Variants in CLIC5 observed in about 807,000 individuals in gnomAD.
CLIC5 encodes chloride intracellular channel protein 5.
CLIC5 carries 20 observed loss-of-function variants against 24.7 expected under a neutral mutation model. That is an observed-to-expected ratio of 0.81 (90% CI 0.57 to 1.18). CLIC5 has a LOEUF of 1.18. Ranked by LOEUF, CLIC5 falls within the 50% of genes most tolerant of loss-of-function variation. The pLI is 0.00. For missense variants in CLIC5, 341 were observed against 326.1 expected (o/e 1.05, Z -0.35); for synonymous variants, 159 against 135.6 (o/e 1.17, Z -1.20).
At chr6:46,055,917 C>CT (rs1768236059) in intron 1 of CLIC5, among the ~76,000 whole-genome samples, 1 of 152,080 alleles carries the variant, frequency 6.6e-6, no homozygotes, top group Non-Finnish European at 1.5e-5. Context: ...TGGTTATTGG[C>CT]TGGGGCTATG....
chr6:46,069,032 A>G (rs1762516564), intron 1 of CLIC5, among the ~76,000 whole-genome samples: 1 of 152,168 alleles, frequency 6.6e-6, no homozygotes, highest in South Asian at 2.1e-4. Flanking sequence ...GCCCTCCTGA[A>G]AAGGTGACTT....
In CLIC5 at chr6:46,015,519, G is replaced by A. The variant is rs984387367; in HGVS notation, c.24C>T (p.Asn8=). Reference sequence around the variant, plus strand: ...CGATCTCGGGGTCCCTGTCGTCCCCGTTAGCTGTCGCCGAGTCTGTCATGC... The same window carrying A: ...CGATCTCGGGGTCCCTGTCGTCCCCATTAGCTGTCGCCGAGTCTGTCATGC... MTDSATA[N]GDDRDPEIEL... is the part of the protein sequence containing the mutation. The change falls in exon 1 of 6, where the codon AAC becomes AAT. Residue 8 remains asparagine, a synonymous_variant. Transcript: ENST00000339561. The A allele has an allele frequency of 6.3e-7, 1 of 1,578,192 alleles. No individual in the cohort carries two copies. The highest frequency in any genetic ancestry group is 8.6e-7 in the Non-Finnish European group (1 of 1,163,690).
chr6:45,886,727 T>A (rs1280823935), intron 6 of CLIC5, among the ~76,000 whole-genome samples: 1 of 152,116 alleles, frequency 6.6e-6, no homozygotes, highest in African/African-American at 2.4e-5. Context: ...TCTGGAGAGC[T>A]CAAAGGCTTC....
At chr6:45,913,112 C>T (rs985392056) in intron 5 of CLIC5, among the ~76,000 whole-genome samples, 2 of 152,188 alleles carry the variant, frequency 1.3e-5, no homozygotes, top group Non-Finnish European at 1.5e-5. Context: ...AACTGGATAT[C>T]GTAAAGACTT....
chr6:45,904,712 ACTCT>A (rs925907403), intron 5 of CLIC5, among the ~76,000 whole-genome samples: 1 of 61,570 alleles, frequency 1.6e-5, no homozygotes, highest in African/African-American at 6.8e-5. Flanking sequence ...TCTTTCTCTC[ACTCT>A]CTCTCTCCTT....
chr6:46,029,447 G>A (rs978502422), intron 1 of CLIC5, among the ~76,000 whole-genome samples: 1 of 152,174 alleles, frequency 6.6e-6, no homozygotes, highest in African/African-American at 2.4e-5. Context: ...GAGAAGTAAA[G>A]TGACTTGCCC....
intron 1 of CLIC5, among the ~76,000 whole-genome samples, chr6:45,969,500 C>T (rs1033240488): frequency 6.5e-5 from 8 of 123,844 alleles, no homozygotes; most frequent in African/African-American, 2.4e-4. Context: ...CAGTTGAGAT[C>T]CAAAGACTTC....
chr6:45,989,617 C>T (rs978953480), intron 1 of CLIC5, among the ~76,000 whole-genome samples: 8 of 152,156 alleles, frequency 5.3e-5, no homozygotes, highest in Non-Finnish European at 1.2e-4. Context: ...GTGAGAAAGG[C>T]CCACCTTGCT....
intron 1 of CLIC5, among the ~76,000 whole-genome samples, chr6:45,971,570 T>G (rs1325875699): frequency 1.3e-5 from 2 of 152,220 alleles, no homozygotes; most frequent in African/African-American, 4.8e-5. Context: ...TAATGACAGA[T>G]AGTCTTCTAG....
At chr6:45,978,563 G>A (rs141938688) in intron 1 of CLIC5, among the ~76,000 whole-genome samples, 1 of 152,280 alleles carries the variant, frequency 6.6e-6, no homozygotes, top group East Asian at 1.9e-4. Context: ...TCCAGGGTGG[G>A]GCCCAAGAAT....
At chr6:45,948,291 C>T (rs557547545) in intron 3 of CLIC5, among the ~76,000 whole-genome samples, 1 of 152,180 alleles carries the variant, frequency 6.6e-6, no homozygotes, top group Non-Finnish European at 1.5e-5. Flanking sequence ...TACTCCTCTC[C>T]CCCGATTTTC....
the CLIC5 span, among the ~76,000 whole-genome samples, chr6:46,124,733 A>G: frequency 6.6e-6 from 1 of 152,246 alleles, no homozygotes; most frequent in South Asian, 2.1e-4. Flanking sequence ...TTTACAAGAA[A>G]AAAACAAACA....
At chr6:46,080,363 A>G (rs1762894260), upstream of CLIC5, 1 of 721,814 alleles carries the variant, frequency 1.4e-6, no homozygotes, top group Non-Finnish European at 2.3e-6. Context: ...GGCAGCAACT[A>G]GCAACTGCTA....
Position 45,974,130 on chromosome 6 carries a change from G to A in CLIC5, c.64-18886C>T, listed in dbSNP as rs1465991684. 7.2e-5 allele frequency among the ~76,000 whole-genome samples: 11 copies of A among 152,032 alleles called. No homozygotes were observed. In the East Asian group the frequency reaches 1.7e-3, roughly 24 times the overall value. On this transcript the variant is annotated intron_variant, in intron 1 of 5. Transcript: ENST00000339561. The stretch of plus-strand genomic sequence containing the variant: ...TAAAAACAAAATCTTGCATGTGTTC[G>A]TATTGTACGTGTGAGAGAGAGGAGA...
At chr6:45,953,282 G>A (rs188117246) in intron 2 of CLIC5, among the ~76,000 whole-genome samples, 2 of 152,080 alleles carry the variant, frequency 1.3e-5, no homozygotes. Context: ...AAGCATTAGG[G>A]GTGCAGACCT....
chr6:46,050,656 G>A (rs1387488821), intron 1 of CLIC5, among the ~76,000 whole-genome samples: 1 of 152,158 alleles, frequency 6.6e-6, no homozygotes. Flanking sequence ...TTGTTGCCAG[G>A]GAAATGGGTG....
chr6:46,010,559 C>T (rs951807982), intron 1 of CLIC5, among the ~76,000 whole-genome samples: 11 of 152,200 alleles, frequency 7.2e-5, no homozygotes, highest in Non-Finnish European at 1.6e-4. Flanking sequence ...AACTGACTGT[C>T]TAAATTGACA....
chr6:46,094,644 C>A, the CLIC5 span, among the ~76,000 whole-genome samples: 51,010 of 152,050 alleles, frequency 0.34, 8,859 homozygotes, highest in Middle Eastern at 0.49. Context: ...GCCCCCAAAG[C>A]CTTAGGAAGC....
At chr6:45,942,481 T>C (rs1433167666) in intron 3 of CLIC5, among the ~76,000 whole-genome samples, 2 of 152,208 alleles carry the variant, frequency 1.3e-5, no homozygotes, top group African/African-American at 4.8e-5. Context: ...ATAAATATTA[T>C]TTCATAAGCA....
Sources: gnomAD v4.1 joint callset for allele counts (sites outside exome capture counted in the v4.1 genomes callset) on GRCh38, gnomAD v4.1.1 for gene constraint, MANE v1.5 for transcripts, NCBI Gene and HGNC (gene_info 2026-07-23, HGNC 2026-07-21) for gene names.